Variants in ADCY1 observed in about 807,000 individuals in gnomAD.
The protein encoded by ADCY1 is adenylate cyclase 1.
A neutral mutation model predicts 105.4 loss-of-function variants in ADCY1; 28 were observed. That is an observed-to-expected ratio of 0.27 (90% CI 0.20 to 0.36). ADCY1 has a LOEUF of 0.36. ADCY1 is among the 10% of genes least tolerant of loss of function. ADCY1 has a pLI of 1.00. For synonymous variants in ADCY1, 655 were observed against 623.8 expected (o/e 1.05, Z -0.75); for missense variants, 977 against 1,434.2 (o/e 0.68, Z 5.15).
intron 8 of ADCY1, among the ~76,000 whole-genome samples, chr7:45,664,064 T>C (rs559291665): frequency 2.3e-4 from 35 of 152,174 alleles, no homozygotes; most frequent in African/African-American, 7.9e-4. Context: ...CGATTCTTGC[T>C]GAAGACAGGC....
intron 8 of ADCY1, among the ~76,000 whole-genome samples, chr7:45,667,312 G>T (rs553630006): frequency 8.5e-5 from 13 of 152,284 alleles, no homozygotes; most frequent in Middle Eastern, 3.4e-3. Flanking sequence ...TGTATAAGGC[G>T]TAAGGAAGGG....
Position 45,717,674 on chromosome 7 carries a change from T to C in ADCY1, c.*3679T>C, listed in dbSNP as rs2116300208. ...CCTCGCGACCCTTGCATGCCTTTCA[T>C]GCCTGATGCCGTAGAGTAGAACACA... is the stretch of plus-strand genomic sequence containing the variant. On this transcript the variant is annotated 3_prime_UTR_variant, in exon 20 of 20. Coordinates refer to ENST00000297323, the MANE Select transcript of ADCY1 (RefSeq NM_021116.4). 1 of 152,356 alleles carries C rather than the reference T, an allele frequency of 6.6e-6. No homozygotes were observed. Among genetic ancestry groups the C allele is most frequent in the Non-Finnish European group, 1.5e-5 (1 of 68,056 alleles). 9.4% of individuals were successfully genotyped at this position (152,356 alleles called of 1,614,324 possible).
intron 5 of ADCY1, among the ~76,000 whole-genome samples, chr7:45,650,225 T>C (rs1395381017): frequency 6.6e-6 from 1 of 152,196 alleles, no homozygotes; most frequent in Non-Finnish European, 1.5e-5. Flanking sequence ...ATATCACATA[T>C]CACATAATCT....
chr7:45,664,163 C>A (rs945562574), intron 8 of ADCY1: 44 of 829,680 alleles, frequency 5.3e-5, no homozygotes, highest in Middle Eastern at 2.3e-4. Flanking sequence ...GTGGGGCGTT[C>A]CTGCTAAAAC....
chr7:45,657,922 G>A, intron 6 of ADCY1, 37 bp downstream of exon 6: 1 of 1,541,370 alleles, frequency 6.5e-7, no homozygotes, highest in Non-Finnish European at 8.8e-7. Context: ...GAGGGAGGTG[G>A]GTGATGGCTG....
At chr7:45,650,205 TATATCACATATATCAC>T (rs1483230135) in intron 5 of ADCY1, among the ~76,000 whole-genome samples, 2 of 152,192 alleles carry the variant, frequency 1.3e-5, no homozygotes, top group Non-Finnish European at 2.9e-5. Flanking sequence ...TCATGTAATA[TATATCACATATATCAC>T]ATATCACATA....
intron 14 of ADCY1, among the ~76,000 whole-genome samples, chr7:45,698,166 C>G (rs1420410343): frequency 1.4e-5 from 2 of 143,440 alleles, no homozygotes; most frequent in African/African-American, 5.5e-5. Flanking sequence ...TACTCTCTTA[C>G]ACACACACAC....
chr7:45,657,277 C>G (rs1171401926), intron 5 of ADCY1, among the ~76,000 whole-genome samples: 1 of 152,270 alleles, frequency 6.6e-6, no homozygotes, highest in South Asian at 2.1e-4. Flanking sequence ...TGGATGTTTC[C>G]AGCAGGTTGT....
At position 45,686,434 on chromosome 7, in the gene ADCY1, GT is replaced by G; in HGVS notation, c.2328-108del. ...TGGCCAAGGTCAATCCCAGCAAGCT[GT>G]TTTTGGGTGTCACCACCTGAGGGTC... On this transcript the variant is annotated intron_variant, in intron 13 of 19. Transcript: ENST00000297323. The surrounding 1 kb of genome is among the most constrained non-coding windows in gnomAD (Gnocchi z 4.3). 3.4e-6 allele frequency: 5 copies of G among 1,485,248 alleles called. No individual in the cohort carries two copies. Among genetic ancestry groups the G allele is most frequent in the Non-Finnish European group, 1.8e-6 (2 of 1,110,318 alleles). 92.0% of individuals were successfully genotyped at this position (1,485,248 alleles called of 1,614,324 possible).
At chr7:45,671,566 C>A (rs1005949452) in intron 8 of ADCY1, among the ~76,000 whole-genome samples, 1 of 152,114 alleles carries the variant, frequency 6.6e-6, no homozygotes, top group Non-Finnish European at 1.5e-5. Flanking sequence ...CATCTCCATC[C>A]TCACCAGCAT....
intron 8 of ADCY1, among the ~76,000 whole-genome samples, chr7:45,671,930 A>G (rs543071667): frequency 3.3e-5 from 5 of 152,152 alleles, no homozygotes; most frequent in Non-Finnish European, 7.4e-5. Context: ...TTCACAGAAC[A>G]GATGTTTTTA....
intron 4 of ADCY1, among the ~76,000 whole-genome samples, chr7:45,626,132 A>G (rs978633442): frequency 6.6e-6 from 1 of 152,240 alleles, no homozygotes; most frequent in Non-Finnish European, 1.5e-5. Flanking sequence ...TCTGTGGGTT[A>G]CGTATCGTTT....
rs140809163 is a variant in ADCY1 at position 45,692,223 on chromosome 7, T to C, written c.2454+5550T>C. On this transcript the variant is annotated intron_variant, in intron 14 of 19. Coordinates refer to ENST00000297323, the MANE Select transcript of ADCY1 (RefSeq NM_021116.4). ...AATACACCCTTTGCCCATCTGAGAG[T>C]GCACACACAGCCTCTGGCAGGCATC... 1.2e-4 allele frequency among the ~76,000 whole-genome samples: 18 copies of C among 152,192 alleles called. No individual in the cohort carries two copies. The East Asian group carries it at 3.3e-3, about 28-fold the overall frequency.
At chr7:45,659,763 C>T (rs1034504725) in intron 6 of ADCY1, among the ~76,000 whole-genome samples, 1 of 148,556 alleles carries the variant, frequency 6.7e-6, no homozygotes, top group African/African-American at 2.5e-5. Flanking sequence ...TATTCTTTCT[C>T]TCTCTCTCTT....
intron 1 of ADCY1, among the ~76,000 whole-genome samples, chr7:45,588,812 T>C (rs956304161): frequency 1.9e-4 from 29 of 152,238 alleles, no homozygotes; most frequent in African/African-American, 3.4e-4. Context: ...TCTTTGGCCA[T>C]TGGGGGCTCT....
rs1361547780 is a variant in ADCY1, at chr7:45,717,832, G to C, written c.*3837G>C. ...CCAAGTTGCCAGCCCGTGTTTCTCA[G>C]ACTTTAAAGCCACCAGGGCTTCTGG... is the stretch of plus-strand genomic sequence containing the variant. On this transcript the variant is annotated 3_prime_UTR_variant, in exon 20 of 20. Transcript: ENST00000297323. 6.6e-6 allele frequency: 1 copy of C among 152,616 alleles called. No homozygotes were observed. The highest frequency in any genetic ancestry group is 2.4e-5 in the African/African-American group (1 of 41,458). The allele number at this position is 152,616 out of a possible 1,614,324, so 9.5% of individuals were successfully genotyped here.
At chr7:45,677,304 T>G (rs74590832) in intron 8 of ADCY1, among the ~76,000 whole-genome samples, 28,105 of 152,148 alleles carry the variant, frequency 0.18, 3,244 homozygotes, top group East Asian at 0.39. Context: ...GCACTGATAG[T>G]GAGTTCATGG....
chr7:45,705,458 T>A (rs1785098199), intron 17 of ADCY1, among the ~76,000 whole-genome samples: 1 of 152,096 alleles, frequency 6.6e-6, no homozygotes, highest in African/African-American at 2.4e-5. Context: ...ATCAACAGGA[T>A]AAAGAAGAAA....
intron 4 of ADCY1, among the ~76,000 whole-genome samples, chr7:45,629,974 T>C (rs1440830609): frequency 1.3e-5 from 2 of 152,228 alleles, no homozygotes; most frequent in Admixed American, 1.3e-4. Flanking sequence ...CTAATAGGCA[T>C]GTGGTGCTAT....
Sources: gnomAD v4.1 joint callset for allele counts (sites outside exome capture counted in the v4.1 genomes callset) on GRCh38, gnomAD v4.1.1 for gene constraint, Gnocchi (gnomAD v3.1) non-coding constraint, MANE v1.5 for transcripts, NCBI Gene and HGNC (gene_info 2026-07-23, HGNC 2026-07-21) for gene names.